The following KRTAP19-3 variants were observed in gnomAD, a reference collection of about 807,000 sequenced individuals.
The protein encoded by KRTAP19-3 is keratin associated protein 19-3.
For missense variants in KRTAP19-3, 106 were observed against 101.6 expected, an observed-to-expected ratio of 1.04 and a Z score of -0.19; for synonymous variants, 37 against 41.9, an observed-to-expected ratio of 0.88 and a Z score of 0.45.
At position 30,491,645 on chromosome 21, in the gene KRTAP19-3, A is replaced by G; in HGVS notation, c.*67T>C. The G allele has an allele frequency of 6.2e-7, 1 of 1,600,860 alleles. No homozygotes were observed. Among genetic ancestry groups the G allele is most frequent in the Non-Finnish European group, 8.5e-7 (1 of 1,171,318 alleles). ...AGCTCCAGCATGATCTTTGTTGTCC[A>G]ATGATTGAAGTCAGCTCTGGGAAAG... is the stretch of plus-strand genomic sequence containing the variant. On this transcript the variant is annotated 3_prime_UTR_variant, in exon 1 of 1. Coordinates refer to ENST00000334063, the MANE Select transcript of KRTAP19-3 (RefSeq NM_181609.4).
the KRTAP19-3 span, chr21:30,491,953 C>CTCATGGTGTCAGG: frequency 3.1e-6 from 5 of 1,614,070 alleles, no homozygotes; most frequent in Admixed American, 3.3e-5. Flanking sequence ...GCCGTAGTAG[C>CTCATGGTGTCAGG]TCATGGTGTC....
chr21:30,491,536 A>G lies in KRTAP19-3; in HGVS notation c.*176T>C. 1 of 995,506 alleles carries G rather than the reference A, an allele frequency of 1.0e-6. No homozygotes were observed. Among genetic ancestry groups the G allele is most frequent in the Non-Finnish European group, 1.5e-6 (1 of 679,756 alleles). 61.7% of individuals were successfully genotyped at this position (995,506 alleles called of 1,614,324 possible). On this transcript the variant is annotated 3_prime_UTR_variant, in exon 1 of 1. Coordinates refer to ENST00000334063, the MANE Select transcript of KRTAP19-3 (RefSeq NM_181609.4). ...TCAGCTTTAAAAGCAAAAGTAGAGA[A>G]TACTAGGATTATTATAGAGATGTGG...
chr21:30,491,820 A>T, the KRTAP19-3 span: 1 of 1,614,142 alleles, frequency 6.2e-7, no homozygotes, highest in Non-Finnish European at 8.5e-7. Flanking sequence ...AGCCAGAGCC[A>T]TATCCGTAGC....
rs941789115 is a variant in KRTAP19-3 at position 30,491,481 on chromosome 21, G to C, written c.*231C>G. ...ACCATATTGTGTTTGAAAATAGAAT[G>C]TTTTATTGGAAGATAAACAGATAAT... On this transcript the variant is annotated 3_prime_UTR_variant, in exon 1 of 1. Coordinates refer to ENST00000334063, the MANE Select transcript of KRTAP19-3 (RefSeq NM_181609.4). The C allele has an allele frequency of 1.5e-6, 1 of 646,894 alleles. No homozygotes were observed. The highest frequency in any genetic ancestry group is 3.0e-5 in the Admixed American group (1 of 33,198). 40.1% of individuals were successfully genotyped at this position (646,894 alleles called of 1,614,324 possible). A position where few individuals can be genotyped will look rare whatever the true frequency, so the allele number is the denominator to read the frequency against.
In KRTAP19-3 at chr21:30,491,600, T is replaced by G. The variant is rs1985972594; in HGVS notation, c.*112A>C. 2 of 1,535,156 alleles carry G rather than the reference T, an allele frequency of 1.3e-6. No homozygotes were observed. The highest frequency in any genetic ancestry group is 4.0e-5 in the Admixed American group (2 of 50,374). ...AAAAATTGCCTGAAATTCTGAGATG[T>G]TAAATTCTTTTGTGCAAATAGCTCC... On this transcript the variant is annotated 3_prime_UTR_variant, in exon 1 of 1. Transcript: ENST00000334063.
chr21:30,491,593 T>G lies in KRTAP19-3; in HGVS notation c.*119A>C. On this transcript the variant is annotated 3_prime_UTR_variant, in exon 1 of 1. Transcript: ENST00000334063. ...AGAGAAAAAAAATTGCCTGAAATTC[T>G]GAGATGTTAAATTCTTTTGTGCAAA... The G allele has an allele frequency of 3.2e-5, 48 of 1,512,892 alleles. No individual in the cohort carries two copies. Among genetic ancestry groups the G allele is most frequent in the Non-Finnish European group, 3.8e-5 (43 of 1,123,184 alleles). The allele number at this position is 1,512,892 out of a possible 1,614,324, so 93.7% of individuals were successfully genotyped here.
rs1985976147 is a variant in KRTAP19-3 at position 30,491,712 on chromosome 21, T to C, written c.246A>G (p.Ter82=). ...YGGYGFSGFY[*] The stretch of plus-strand genomic sequence containing the variant: ...CACATTGTGTTGCTGGGGCAGTAGT[T>C]TAATAGAATCCAGAGAATCCATATC... Residue 82 remains the stop codon, a stop_retained_variant, in exon 1 of 1, where the codon TAA becomes TAG. Transcript: ENST00000334063. The C allele has an allele frequency of 6.2e-7, 1 of 1,614,038 alleles. No homozygotes were observed. Among genetic ancestry groups the C allele is most frequent in the Admixed American group, 1.7e-5 (1 of 59,992 alleles).
Position 30,491,681 on chromosome 21 carries a change from A to G in KRTAP19-3, c.*31T>C. 6 of 1,612,858 alleles carry G rather than the reference A, an allele frequency of 3.7e-6. No individual in the cohort carries two copies. The highest frequency in any genetic ancestry group is 5.1e-6 in the Non-Finnish European group (6 of 1,178,900). On this transcript the variant is annotated 3_prime_UTR_variant, in exon 1 of 1. Coordinates refer to ENST00000334063, the MANE Select transcript of KRTAP19-3 (RefSeq NM_181609.4). ...TCAGCTCTGGGAAAGTCCTCTTATA[A>G]TTTCACACATTGTGTTGCTGGGGCA...
rs908844068 is a variant in KRTAP19-3, at chr21:30,491,472, A to T, written c.*240T>A. On this transcript the variant is annotated 3_prime_UTR_variant, in exon 1 of 1. Transcript: ENST00000334063. ...CAAAACAGAACCATATTGTGTTTGA[A>T]AATAGAATGTTTTATTGGAAGATAA... is the stretch of plus-strand genomic sequence containing the variant. 1 of 622,932 alleles carries T rather than the reference A, an allele frequency of 1.6e-6. No individual in the cohort carries two copies. Among genetic ancestry groups the T allele is most frequent in the African/African-American group, 1.8e-5 (1 of 54,408 alleles). The allele number at this position is 622,932 out of a possible 1,614,324, so 38.6% of individuals were successfully genotyped here.
At position 30,491,607 on chromosome 21, in the gene KRTAP19-3, C is replaced by A. The variant is rs1985972865; in HGVS notation, c.*105G>T. 1 of 1,547,828 alleles carries A rather than the reference C, an allele frequency of 6.5e-7. No homozygotes were observed. The highest frequency in any genetic ancestry group is 1.4e-5 in the African/African-American group (1 of 72,910). ...GCCTGAAATTCTGAGATGTTAAATT[C>A]TTTTGTGCAAATAGCTCCAGCATGA... On this transcript the variant is annotated 3_prime_UTR_variant, in exon 1 of 1. Coordinates refer to ENST00000334063, the MANE Select transcript of KRTAP19-3 (RefSeq NM_181609.4).
Position 30,491,883 on chromosome 21 carries a change from A to G in KRTAP19-3, c.75T>C (p.Tyr25=), listed in dbSNP as rs752115743. 7.4e-6 allele frequency: 12 copies of G among 1,614,060 alleles called. No individual in the cohort carries two copies. The highest frequency in any genetic ancestry group is 1.6e-4 in the Middle Eastern group (1 of 6,084). Residue 25 remains tyrosine (Y), a synonymous_variant, in exon 1 of 1, where the codon TAT becomes TAC. Transcript: ENST00000334063. ...TGCGGAAGCTGCCACATCCACAGCCATAGCCATAGCCCAGGCCACCAAAGC... is the reference window on the plus strand; with the variant it reads ...TGCGGAAGCTGCCACATCCACAGCCGTAGCCATAGCCCAGGCCACCAAAGC... ...CGGFGGLGYG[Y]GCGCGSFRRL...
At position 30,491,682 on chromosome 21, in the gene KRTAP19-3, TTTCACAC is replaced by T; in HGVS notation, c.*23_*29del. 6.2e-7 allele frequency: 1 copy of T among 1,612,996 alleles called. No homozygotes were observed. Among genetic ancestry groups the T allele is most frequent in the Non-Finnish European group, 8.5e-7 (1 of 1,178,976 alleles). On this transcript the variant is annotated 3_prime_UTR_variant, in exon 1 of 1. Transcript: ENST00000334063. ...CAGCTCTGGGAAAGTCCTCTTATAA[TTTCACAC>T]ATTGTGTTGCTGGGGCAGTAGTTTA...
rs752702861 is a variant in KRTAP19-3 at position 30,491,710 on chromosome 21, GTT to G, written c.246_*1del. On this transcript the variant is annotated stop_lost and 3_prime_UTR_variant, in exon 1 of 1. Coordinates refer to ENST00000334063, the MANE Select transcript of KRTAP19-3 (RefSeq NM_181609.4). ...CACACATTGTGTTGCTGGGGCAGTAGTTTAATAGAATCCAGAGAATCCATATC... is the reference window on the plus strand; with the variant it reads ...CACACATTGTGTTGCTGGGGCAGTAGTAATAGAATCCAGAGAATCCATATC... 1.9e-6 allele frequency: 3 copies of G among 1,614,168 alleles called. No homozygotes were observed. In the Admixed American group the frequency reaches 5.0e-5, roughly 27 times the overall value.
chr21:30,491,969 TAGTG>T lies in KRTAP19-3; in HGVS notation c.-16_-13del. 3 of 1,613,800 alleles carry T rather than the reference TAGTG, an allele frequency of 1.9e-6. No individual in the cohort carries two copies. Among genetic ancestry groups the T allele is most frequent in the Non-Finnish European group, 2.5e-6 (3 of 1,179,810 alleles). On this transcript the variant is annotated 5_prime_UTR_variant, in exon 1 of 1. Coordinates refer to ENST00000334063, the MANE Select transcript of KRTAP19-3 (RefSeq NM_181609.4). The stretch of plus-strand genomic sequence containing the variant: ...CCGTAGTAGCTCATGGTGTCAGGGG[TAGTG>T]AGTTTGGTTTGCTGCTCAAGGCAAG...
the KRTAP19-3 span, chr21:30,491,829 GC>G: frequency 6.2e-7 from 1 of 1,614,108 alleles, no homozygotes; most frequent in South Asian, 1.1e-5. Context: ...CATATCCGTA[GC>G]CTCCATAGCC....
At position 30,491,764 on chromosome 21, in the gene KRTAP19-3, C is replaced by A. The variant is rs773896504; in HGVS notation, c.194G>T (p.Gly65Val). The A allele has an allele frequency of 1.9e-6, 3 of 1,614,100 alleles. No homozygotes were observed. In the South Asian group the frequency reaches 3.3e-5, roughly 18 times the overall value. Reference sequence around the variant, plus strand: ...TCCATAGTATGATGGGCGGTAGCAGCCATATCCGTAGCCTCCGAAGCCAGA... The same window carrying A: ...TCCATAGTATGATGGGCGGTAGCAGACATATCCGTAGCCTCCGAAGCCAGA... Reference protein sequence around the residue: ...YGSGFGGYGYGCYRPSYYGGY... With the variant: ...YGSGFGGYGYVCYRPSYYGGY... Residue 65 changes from glycine (G) to valine (V), a missense_variant, in exon 1 of 1, where the codon GGC becomes GTC. Coordinates refer to ENST00000334063, the MANE Select transcript of KRTAP19-3 (RefSeq NM_181609.4).
rs1410899670 is a variant in KRTAP19-3 at position 30,491,531 on chromosome 21, A to G, written c.*181T>C. 5.2e-6 allele frequency: 5 copies of G among 965,326 alleles called. No homozygotes were observed. The highest frequency in any genetic ancestry group is 1.6e-5 in the African/African-American group (1 of 61,162). 59.8% of individuals were successfully genotyped at this position (965,326 alleles called of 1,614,324 possible). ...TTCAATCAGCTTTAAAAGCAAAAGT[A>G]GAGAATACTAGGATTATTATAGAGA... On this transcript the variant is annotated 3_prime_UTR_variant, in exon 1 of 1. Coordinates refer to ENST00000334063, the MANE Select transcript of KRTAP19-3 (RefSeq NM_181609.4).
rs942507210 is a variant in KRTAP19-3, at chr21:30,491,999, G to A, written c.-42C>T. The A allele has an allele frequency of 6.2e-7, 1 of 1,612,320 alleles. No homozygotes were observed. The highest frequency in any genetic ancestry group is 8.5e-7 in the Non-Finnish European group (1 of 1,178,572). The stretch of plus-strand genomic sequence containing the variant: ...AGTTTGGTTTGCTGCTCAAGGCAAG[G>A]TCCTGAGTGTGAATGTTGACATCTG... On this transcript the variant is annotated 5_prime_UTR_variant, in exon 1 of 1. Coordinates refer to ENST00000334063, the MANE Select transcript of KRTAP19-3 (RefSeq NM_181609.4).
rs1985974956 is a variant in KRTAP19-3 at position 30,491,670 on chromosome 21, G to T, written c.*42C>A. On this transcript the variant is annotated 3_prime_UTR_variant, in exon 1 of 1. Coordinates refer to ENST00000334063, the MANE Select transcript of KRTAP19-3 (RefSeq NM_181609.4). ...AATGATTGAAGTCAGCTCTGGGAAAGTCCTCTTATAATTTCACACATTGTG... is the reference window on the plus strand; with the variant it reads ...AATGATTGAAGTCAGCTCTGGGAAATTCCTCTTATAATTTCACACATTGTG... 8.1e-6 allele frequency: 13 copies of T among 1,611,090 alleles called. No homozygotes were observed. Among genetic ancestry groups the T allele is most frequent in the Non-Finnish European group, 1.1e-5 (13 of 1,177,502 alleles).
Sources: allele counts gnomAD v4.1 joint callset, GRCh38; gene constraint gnomAD v4.1.1; transcripts MANE v1.5; gene names NCBI Gene and HGNC (gene_info 2026-07-23, HGNC 2026-07-21).